CLIP1: variants seen among roughly 807,000 people sequenced by gnomAD.
CLIP1 encodes CAP-Gly domain-containing linker protein 1.
In CLIP1, 66 loss-of-function variants were observed where a neutral mutation model predicts 161.6. That is an observed-to-expected ratio of 0.41 (90% confidence interval 0.33 to 0.50). The LOEUF (loss-of-function observed/expected upper bound fraction) is 0.50, where lower values mean the gene tolerates loss of function less well. Ranked by LOEUF, CLIP1 falls within the 20% of genes least tolerant of loss-of-function variation. The pLI is 0.27. For missense variants in CLIP1, 1,376 were observed against 1,702.0 expected, an observed-to-expected ratio of 0.81 and a Z score of 3.37; for synonymous variants, 598 against 626.2, an observed-to-expected ratio of 0.96 and a Z score of 0.67.
chr12:122,330,597 GTTTTTTTTTT>G lies in CLIP1; in HGVS notation c.2868-2181_2868-2172del, dbSNP rs71082966. On this transcript the variant is annotated intron_variant, in intron 15 of 25. Coordinates refer to ENST00000620786, the MANE Select transcript of CLIP1 (RefSeq NM_001247997.2). Reference sequence around the variant, plus strand: ...TTCAGCACTGAAGAAGTATAATGCAGTTTTTTTTTTTTTTTTTTTTGAGATGGAGTCTCGC... The same window carrying G: ...TTCAGCACTGAAGAAGTATAATGCAGTTTTTTTTTTGAGATGGAGTCTCGC... 3.9e-5 allele frequency among the ~76,000 whole-genome samples: 4 copies of G among 101,404 alleles called. No individual in the cohort carries two copies. The Admixed American group carries it at 5.0e-4, about 13-fold the overall frequency. 66.5% of individuals were successfully genotyped at this position (101,404 alleles called of 152,430 possible).
chr12:122,309,062 T>C (rs577619056), intron 20 of CLIP1, among the ~76,000 whole-genome samples: 2 of 152,356 alleles, frequency 1.3e-5, no homozygotes, highest in East Asian at 1.9e-4. Context: ...TGACTCACAA[T>C]TCAGCACTTT....
chr12:122,374,935 C>T, intron 3 of CLIP1, among the ~76,000 whole-genome samples: 1 of 152,126 alleles, frequency 6.6e-6, no homozygotes, highest in East Asian at 1.9e-4. Context: ...ACAGAACATG[C>T]AGTCCAAGGC....
chr12:122,372,730 A>C (rs1702825731), intron 3 of CLIP1, among the ~76,000 whole-genome samples: 1 of 152,234 alleles, frequency 6.6e-6, no homozygotes, highest in African/African-American at 2.4e-5. Context: ...CTTTTAACTA[A>C]ATGTGACTAT....
rs909393402 is a variant in CLIP1 at position 122,355,434 on chromosome 12, G to A, written c.1006-122C>T. 3.7e-6 allele frequency: 3 copies of A among 809,622 alleles called. No homozygotes were observed. Among genetic ancestry groups the A allele is most frequent in the Non-Finnish European group, 5.9e-6 (3 of 504,746 alleles). 50.2% of individuals were successfully genotyped at this position (809,622 alleles called of 1,614,324 possible). Reference sequence around the variant, plus strand: ...AGGGCGCTGCTCCAGCTGGCAGGCTGGCCAGGATTAGGAAAGGCTTCCTCA... The same window carrying A: ...AGGGCGCTGCTCCAGCTGGCAGGCTAGCCAGGATTAGGAAAGGCTTCCTCA... On this transcript the variant is annotated intron_variant, in intron 5 of 25. Coordinates refer to ENST00000620786, the MANE Select transcript of CLIP1 (RefSeq NM_001247997.2). The surrounding 1 kb of genome is among the most constrained non-coding windows in gnomAD (Gnocchi z 4.1).
Position 122,355,066 on chromosome 12 carries a change from A to T in CLIP1, c.1203+49T>A. ...CACCGGGCATGCTTCTCGGCTCCTCAGTGGCTTTAGAAACCATCACCATCT... is the reference window on the plus strand; with the variant it reads ...CACCGGGCATGCTTCTCGGCTCCTCTGTGGCTTTAGAAACCATCACCATCT... On this transcript the variant is annotated intron_variant, in intron 6 of 25. Coordinates refer to ENST00000620786, the MANE Select transcript of CLIP1 (RefSeq NM_001247997.2). The surrounding 1 kb of genome is among the most constrained non-coding windows in gnomAD (Gnocchi z 4.1). The T allele has an allele frequency of 6.4e-7, 1 of 1,562,964 alleles. No homozygotes were observed. Among genetic ancestry groups the T allele is most frequent in the Non-Finnish European group, 8.8e-7 (1 of 1,138,342 alleles).
chr12:122,346,675 G>C (rs1362161994), intron 10 of CLIP1, among the ~76,000 whole-genome samples: 1 of 152,010 alleles, frequency 6.6e-6, no homozygotes, highest in Non-Finnish European at 1.5e-5. Flanking sequence ...GCCAATTTTT[G>C]TATTTTCAGT....
chr12:122,347,228 C>T, intron 10 of CLIP1, 147 bp downstream of exon 10: 1 of 549,006 alleles, frequency 1.8e-6, no homozygotes, highest in Non-Finnish European at 3.3e-6. Flanking sequence ...ACTCATCAGT[C>T]TCAGCTCACA....
intron 7 of CLIP1, among the ~76,000 whole-genome samples, chr12:122,353,174 T>C (rs921618479): frequency 2.1e-4 from 32 of 151,830 alleles, no homozygotes; most frequent in Middle Eastern, 3.2e-3. Flanking sequence ...CGAGACCTCA[T>C]CTCCACCAAA....
At chr12:122,380,892 T>C (rs1451060407) in intron 1 of CLIP1, among the ~76,000 whole-genome samples, 2 of 151,780 alleles carry the variant, frequency 1.3e-5, no homozygotes, top group Non-Finnish European at 2.9e-5. Flanking sequence ...ACCCTGTCTC[T>C]ACAAAAATAA....
intron 20 of CLIP1, among the ~76,000 whole-genome samples, chr12:122,305,992 C>T (rs1160544291): frequency 6.6e-6 from 1 of 150,878 alleles, no homozygotes; most frequent in Non-Finnish European, 1.5e-5. Flanking sequence ...CACTTAAGCC[C>T]AGGAGGCCAA....
In CLIP1 at chr12:122,301,903, G is replaced by A. The variant is rs556796158; in HGVS notation, c.3594+7859C>T. On this transcript the variant is annotated intron_variant, in intron 20 of 25. Coordinates refer to ENST00000620786, the MANE Select transcript of CLIP1 (RefSeq NM_001247997.2). ...CAGCTTCTAAGTCCTTTCATGTTTG[G>A]AAACATGTGCCTGCTGTCTCACCTG... Among the ~76,000 whole-genome samples, 70 of 152,272 alleles carry A rather than the reference G, an allele frequency of 4.6e-4. No individual in the cohort carries two copies. The Middle Eastern group carries it at 0.01, about 22-fold the overall frequency.
Position 122,336,647 on chromosome 12 carries a change from T to C in CLIP1, c.2553A>G (p.Lys851=), listed in dbSNP as rs137857498. ...EVSQVKETLE[K]ELQILKEKFA... ...AGGTACTTACCAAAATCTGAAGTTC[T>C]TTTTCCAAAGTCTCTTTCACTTGAC... Residue 851 remains lysine (K), a synonymous_variant, in exon 12 of 26, where the codon AAA becomes AAG. Transcript: ENST00000620786. The C allele has an allele frequency of 6.0e-5, 96 of 1,598,664 alleles. No homozygotes were observed. The African/African-American group carries it at 1.3e-3, about 21-fold the overall frequency.
intron 1 of CLIP1, among the ~76,000 whole-genome samples, chr12:122,401,231 G>A (rs1278628004): frequency 1.3e-5 from 2 of 152,080 alleles, no homozygotes. Flanking sequence ...TCTAAAAAGT[G>A]GGCCAATGAA....
At chr12:122,422,772 C>T (rs1957005099), upstream of CLIP1, 1 of 110,664 alleles carries the variant, frequency 9.0e-6, no homozygotes, top group Non-Finnish European at 2.2e-5. Flanking sequence ...GCCCTGCGGC[C>T]CGCGCCCGGC....
chr12:122,370,970 G>GAAAAAAAAAAAAAAAAAAAAAA (rs10548483), intron 3 of CLIP1, among the ~76,000 whole-genome samples: 1 of 75,058 alleles, frequency 1.3e-5, no homozygotes, highest in African/African-American at 3.6e-5. Flanking sequence ...AAAAAAAAAA[G>GAAAAAAAAAAAAAAAAAAAAAA]AAAAAAAAAA....
intron 11 of CLIP1, among the ~76,000 whole-genome samples, chr12:122,339,032 C>T (rs1952371552): frequency 1.3e-5 from 2 of 152,174 alleles, no homozygotes; most frequent in Admixed American, 6.5e-5. Context: ...AAGTTCAGAA[C>T]ATTGAGCATC....
At position 122,279,288 on chromosome 12, in the gene CLIP1, A is replaced by T. The variant is rs1437498358; in HGVS notation, c.3648-143T>A. 2.0e-6 allele frequency: 1 copy of T among 505,956 alleles called. No homozygotes were observed. Among genetic ancestry groups the T allele is most frequent in the Non-Finnish European group, 3.3e-6 (1 of 299,036 alleles). 31.3% of individuals were successfully genotyped at this position (505,956 alleles called of 1,614,324 possible). ...GGAAGTTTTATAGGGAGTTAAGGCC[A>T]TTATGCTCACAAAATTTTACTTGAA... On this transcript the variant is annotated intron_variant, in intron 21 of 25. Transcript: ENST00000620786. This position sits in a 1 kb window ranked among gnomAD's most constrained non-coding sequence, Gnocchi z 4.5.
intron 18 of CLIP1, 81 bp from the exon 19 acceptor site, chr12:122,316,936 T>C (rs1951296683): frequency 5.8e-6 from 5 of 867,094 alleles, no homozygotes; most frequent in Non-Finnish European, 8.8e-6. Flanking sequence ...CATGAAAATG[T>C]GTACTGAAAA....
intron 6 of CLIP1, 121 bp from the exon 7 acceptor site, chr12:122,354,677 T>A: frequency 1.5e-6 from 1 of 686,162 alleles, no homozygotes; most frequent in Non-Finnish European, 2.6e-6. Context: ...AACCTTATGT[T>A]AAAAAGCTTT....
Sources: allele counts gnomAD v4.1 joint callset (sites outside exome capture counted in the v4.1 genomes callset), GRCh38; gene constraint gnomAD v4.1.1; non-coding constraint Gnocchi (gnomAD v3.1); transcripts MANE v1.5; gene names NCBI Gene and HGNC (gene_info 2026-07-23, HGNC 2026-07-21).